Variants in ZHX3 observed in about 807,000 individuals in gnomAD.
ZHX3 encodes the protein zinc fingers and homeoboxes protein 3.
ZHX3 carries 20 observed loss-of-function variants against 64.5 expected under a neutral mutation model. The ratio of observed to expected loss-of-function variants is 0.31; its 90% CI spans 0.22 to 0.45. The LOEUF is 0.45. Among genes scored for constraint, ZHX3 ranks in the 20% least tolerant of loss-of-function variants. The probability of loss-of-function intolerance (pLI) is 1.00; values close to 1 mark genes in which losing one functional copy is unlikely to be tolerated. For missense variants in ZHX3, 1,041 were observed against 1,195.8 expected, an observed-to-expected ratio of 0.87 and a Z score of 1.91; for synonymous variants, 423 against 461.6, an observed-to-expected ratio of 0.92 and a Z score of 1.07.
chr20:41,303,629 A>C (rs1201144050), intron 1 of ZHX3, among the ~76,000 whole-genome samples: 1 of 152,182 alleles, frequency 6.6e-6, no homozygotes, highest in Non-Finnish European at 1.5e-5. Context: ...CAGTCAAATG[A>C]AACAGGCACT....
intron 1 of ZHX3, among the ~76,000 whole-genome samples, chr20:41,305,231 G>A (rs2044939851): frequency 1.3e-5 from 2 of 152,220 alleles, no homozygotes; most frequent in African/African-American, 2.4e-5. Flanking sequence ...TAAAACAACA[G>A]AAAGTTGGCT....
rs572556705 is a variant in ZHX3 at position 41,195,714 on chromosome 20, C to A, written c.2860+6343G>T. Among the ~76,000 whole-genome samples, 3 of 152,194 alleles carry A rather than the reference C, an allele frequency of 2.0e-5. No individual in the cohort carries two copies. The highest frequency in any genetic ancestry group is 7.2e-5 in the African/African-American group (3 of 41,456). ...TACAGGCATAAGCCACTGCGCCCAG[C>A]GTAAGTTCTCTTTTAATGTATGCAT... On this transcript the variant is annotated intron_variant, in intron 3 of 3. Transcript: ENST00000683867. The surrounding 1 kb of genome is among the most constrained non-coding windows in gnomAD (Gnocchi z 4.2).
intron 2 of ZHX3, among the ~76,000 whole-genome samples, chr20:41,262,679 T>C (rs540356300): frequency 6.6e-6 from 1 of 152,342 alleles, no homozygotes; most frequent in Admixed American, 6.5e-5. Flanking sequence ...TTGTATCTCC[T>C]GCACCCAGCT....
intron 2 of ZHX3, among the ~76,000 whole-genome samples, chr20:41,251,850 A>T (rs1169631590): frequency 1.3e-5 from 2 of 152,154 alleles, no homozygotes; most frequent in African/African-American, 2.4e-5. Context: ...ATATATATAT[A>T]TAACATGGCT....
Position 41,185,698 on chromosome 20 carries a change from T to G in ZHX3, c.2861-497A>C, listed in dbSNP as rs1254679489. ...CATCAAAGTCAAAGTAAGGCTGATATCAGAGAGGTTCATCATCTGTGATTC... is the reference window on the plus strand; with the variant it reads ...CATCAAAGTCAAAGTAAGGCTGATAGCAGAGAGGTTCATCATCTGTGATTC... On this transcript the variant is annotated intron_variant, in intron 3 of 3. Transcript: ENST00000683867. The surrounding 1 kb of genome is among the most constrained non-coding windows in gnomAD (Gnocchi z 5.0). 6.2e-6 allele frequency: 1 copy of G among 161,634 alleles called. No homozygotes were observed. The highest frequency in any genetic ancestry group is 1.3e-5 in the Non-Finnish European group (1 of 74,592). 10.0% of individuals were successfully genotyped at this position (161,634 alleles called of 1,614,324 possible).
intron 2 of ZHX3, among the ~76,000 whole-genome samples, chr20:41,242,466 G>A (rs2041442474): frequency 6.6e-6 from 1 of 152,186 alleles, no homozygotes; most frequent in African/African-American, 2.4e-5. Context: ...CTGAGATATG[G>A]AGTAAAGTGG....
chr20:41,247,374 G>C (rs1224986502), intron 2 of ZHX3, among the ~76,000 whole-genome samples: 1 of 152,144 alleles, frequency 6.6e-6, no homozygotes, highest in Non-Finnish European at 1.5e-5. Flanking sequence ...TTCTAATCTG[G>C]ACTCAGCTAC....
Position 41,181,456 on chromosome 20 carries a change from C to G in ZHX3, c.*3735G>C, listed in dbSNP as rs1442456100. The G allele has an allele frequency of 6.6e-6, 1 of 152,132 alleles. No homozygotes were observed. The highest frequency in any genetic ancestry group is 2.4e-5 in the African/African-American group (1 of 41,420). The allele number at this position is 152,132 out of a possible 1,614,324, so 9.4% of individuals were successfully genotyped here. On this transcript the variant is annotated 3_prime_UTR_variant, in exon 4 of 4. Coordinates refer to ENST00000683867, the MANE Select transcript of ZHX3 (RefSeq NM_001384317.1). Reference sequence around the variant, plus strand: ...AAAATTTTCTTCTTGGCTGGCTCTCCTCTCCTGCAAGTTGCCTTTATCCAC... The same window carrying G: ...AAAATTTTCTTCTTGGCTGGCTCTCGTCTCCTGCAAGTTGCCTTTATCCAC...
chr20:41,260,243 G>C (rs925410248), intron 2 of ZHX3, among the ~76,000 whole-genome samples: 1 of 150,816 alleles, frequency 6.6e-6, no homozygotes, highest in African/African-American at 2.5e-5. Flanking sequence ...TTGAAGTTCT[G>C]GCCAATGCAG....
chr20:41,259,542 T>C (rs919422865), intron 2 of ZHX3, among the ~76,000 whole-genome samples: 3 of 152,148 alleles, frequency 2.0e-5, no homozygotes, highest in Non-Finnish European at 4.4e-5. Flanking sequence ...AAGAATGAAG[T>C]AGATACATGT....
chr20:41,188,272 A>T (rs2036692762), intron 3 of ZHX3, among the ~76,000 whole-genome samples: 1 of 152,196 alleles, frequency 6.6e-6, no homozygotes, highest in Admixed American at 6.5e-5. Flanking sequence ...ATAAAATGAC[A>T]TCTCATTGTG....
At chr20:41,260,408 A>C (rs1223773517) in intron 2 of ZHX3, among the ~76,000 whole-genome samples, 2 of 152,222 alleles carry the variant, frequency 1.3e-5, no homozygotes, top group East Asian at 1.9e-4. Flanking sequence ...ACTGTTTTTA[A>C]GAGACATCAC....
Position 41,220,609 on chromosome 20 carries a change from T to C in ZHX3, c.-150-15543A>G, listed in dbSNP as rs1019102677. Among the ~76,000 whole-genome samples, 44 of 152,156 alleles carry C rather than the reference T, an allele frequency of 2.9e-4. 1 individual carries two copies. Among genetic ancestry groups the C allele is most frequent in the Admixed American group, 2.4e-3 (37 of 15,266 alleles). On this transcript the variant is annotated intron_variant, in intron 2 of 3. Coordinates refer to ENST00000683867, the MANE Select transcript of ZHX3 (RefSeq NM_001384317.1). ...CTTGTGATGGATCAGGTTGCAGGAA[T>C]AGGAGGTGATTCTAGGTATACAAAC...
intron 1 of ZHX3, among the ~76,000 whole-genome samples, chr20:41,296,232 T>TAAAAAAAAAAA (rs57987896): frequency 9.6e-5 from 7 of 73,002 alleles, no homozygotes; most frequent in Admixed American, 1.5e-4. Context: ...GTTCATAAAG[T>TAAAAAAAAAAA]AAAAAAAAAA....
At position 41,202,237 on chromosome 20, in the gene ZHX3, C is replaced by T. The variant is rs577583178; in HGVS notation, c.2680G>A (p.Val894Met). The T allele has an allele frequency of 7.4e-6, 12 of 1,614,164 alleles. No homozygotes were observed. Among genetic ancestry groups the T allele is most frequent in the Middle Eastern group, 1.6e-4 (1 of 6,062 alleles). ...AEKMGEETRA[V>M]ADTGSEDQGP... ...TGGTCCTCACTGCCTGTGTCTGCCACGGCTCTGGTCTCCTCCCCCATTTTC... is the reference window on the plus strand; with the variant it reads ...TGGTCCTCACTGCCTGTGTCTGCCATGGCTCTGGTCTCCTCCCCCATTTTC... Residue 894 changes from valine to methionine, a missense_variant, in exon 3 of 4, where the codon GTG (valine) becomes ATG (methionine). Val to Met is a conservative substitution (Grantham distance 21). Around this residue, in one of 4 missense-constraint regions of ZHX3, gnomAD observed 649 missense variants for 739.8 expected, o/e 0.88. Transcript: ENST00000683867. The surrounding 1 kb of genome is among the most constrained non-coding windows in gnomAD (Gnocchi z 7.0).
intron 2 of ZHX3, among the ~76,000 whole-genome samples, chr20:41,208,494 C>A (rs373370262): frequency 6.6e-6 from 1 of 152,158 alleles, no homozygotes; most frequent in African/African-American, 2.4e-5. Flanking sequence ...TTATCTACCA[C>A]GACCAAGTTG....
rs768536274 is a variant in ZHX3, at chr20:41,203,646, C to G, written c.1271G>C (p.Gly424Ala). ...CATCAATGGCTGAGTGACCAGAAGT[C>G]CCCCTCCTGTACCCTCTGGCTGCCC... is the stretch of plus-strand genomic sequence containing the variant. ...VVGQPEGTGGGLLVTQPLMAN... is the reference protein window; with the variant it reads ...VVGQPEGTGGALLVTQPLMAN... Residue 424 changes from glycine to alanine, a missense_variant, in exon 3 of 4, where the codon GGA becomes GCA. Physicochemically the swap from Gly to Ala is moderately conservative, Grantham distance 60. Around this residue, in one of 4 missense-constraint regions of ZHX3, gnomAD observed 649 missense variants for 739.8 expected, o/e 0.88. Transcript: ENST00000683867. The surrounding 1 kb of genome is among the most constrained non-coding windows in gnomAD (Gnocchi z 7.1). The G allele has an allele frequency of 5.0e-6, 8 of 1,614,166 alleles. No individual in the cohort carries two copies. The Admixed American group carries it at 1.3e-4, about 27-fold the overall frequency.
intron 1 of ZHX3, among the ~76,000 whole-genome samples, chr20:41,281,795 T>C (rs139334819): frequency 8.5e-5 from 13 of 152,358 alleles, no homozygotes; most frequent in Admixed American, 2.6e-4. Context: ...CTAAGTGCAA[T>C]GGGAAGCCAT....
intron 2 of ZHX3, among the ~76,000 whole-genome samples, chr20:41,235,834 CCT>C (rs1464970663): frequency 1.3e-5 from 2 of 152,112 alleles, no homozygotes; most frequent in Admixed American, 1.3e-4. Context: ...TCAAATTGTC[CCT>C]GTTTGCAGAT....
Sources: allele counts gnomAD v4.1 joint callset (sites outside exome capture counted in the v4.1 genomes callset), GRCh38; gene constraint gnomAD v4.1.1; regional missense constraint gnomAD v4.1.1; non-coding constraint Gnocchi (gnomAD v3.1); transcripts MANE v1.5; gene names NCBI Gene and HGNC (gene_info 2026-07-23, HGNC 2026-07-21).